ZHX2: variants seen among roughly 807,000 people sequenced by gnomAD.
ZHX2 encodes zinc fingers and homeoboxes protein 2.
A neutral mutation model predicts 21.9 loss-of-function variants in ZHX2; 6 were observed. The observed-to-expected ratio is 0.27, with a 90% confidence interval of 0.15 to 0.54. The LOEUF (loss-of-function observed/expected upper bound fraction) is 0.54. Among genes scored for constraint, ZHX2 ranks in the 20% least tolerant of loss-of-function variants. ZHX2 has a pLI of 0.95. For synonymous variants in ZHX2, 434 were observed against 437.1 expected (o/e 0.99, Z 0.09); for missense variants, 908 against 1,090.7 (o/e 0.83, Z 2.36).
chr8:122,835,437 C>T (rs1276990462), intron 1 of ZHX2, among the ~76,000 whole-genome samples: 1 of 152,024 alleles, frequency 6.6e-6, no homozygotes, highest in African/African-American at 2.4e-5. Context: ...GTTTACAAGC[C>T]TCAGGAGAGG....
intron 2 of ZHX2, among the ~76,000 whole-genome samples, chr8:122,935,261 A>C (rs968321647): frequency 2.0e-5 from 3 of 151,968 alleles, no homozygotes; most frequent in Non-Finnish European, 4.4e-5. Flanking sequence ...ACCACTGAGG[A>C]GCTTTGTTTT....
At chr8:122,969,593 C>A (rs1434791955) in intron 3 of ZHX2, among the ~76,000 whole-genome samples, 1 of 152,108 alleles carries the variant, frequency 6.6e-6, no homozygotes, top group Non-Finnish European at 1.5e-5. Flanking sequence ...AAAGAAAAGA[C>A]GTTGCCTACA....
intron 2 of ZHX2, among the ~76,000 whole-genome samples, chr8:122,928,583 G>A (rs187227218): frequency 6.6e-6 from 1 of 152,312 alleles, no homozygotes; most frequent in African/African-American, 2.4e-5. Context: ...CCTGGCGGCA[G>A]GCACAGGGCA....
At chr8:122,875,742 G>A (rs147825953) in intron 2 of ZHX2, among the ~76,000 whole-genome samples, 20 of 152,362 alleles carry the variant, frequency 1.3e-4, no homozygotes, top group African/African-American at 2.4e-4. Context: ...TCCCCCGCCC[G>A]TGGTTACACA....
At chr8:122,872,539 C>T (rs959044576) in intron 2 of ZHX2, among the ~76,000 whole-genome samples, 21 of 152,224 alleles carry the variant, frequency 1.4e-4, no homozygotes, top group African/African-American at 4.8e-4. Context: ...CTTCATCCTT[C>T]TCTATAGTCC....
At chr8:122,897,454 G>A (rs986856961) in intron 2 of ZHX2, among the ~76,000 whole-genome samples, 1 of 152,156 alleles carries the variant, frequency 6.6e-6, no homozygotes, top group Non-Finnish European at 1.5e-5. Context: ...TGAAAGTCAA[G>A]TCTAATTGTT....
intron 1 of ZHX2, among the ~76,000 whole-genome samples, chr8:122,803,299 G>A (rs948190555): frequency 6.6e-5 from 10 of 152,142 alleles, no homozygotes; most frequent in Admixed American, 2.6e-4. Context: ...TGGTGGCCCC[G>A]GCCCCGCCTC....
At chr8:122,808,318 G>T (rs1817861601) in intron 1 of ZHX2, among the ~76,000 whole-genome samples, 1 of 152,166 alleles carries the variant, frequency 6.6e-6, no homozygotes, top group South Asian at 2.1e-4. Context: ...AAGGAAAGAG[G>T]TTTAATTGAC....
At chr8:122,936,109 A>G (rs987250972) in intron 2 of ZHX2, among the ~76,000 whole-genome samples, 10 of 152,236 alleles carry the variant, frequency 6.6e-5, no homozygotes, top group African/African-American at 2.4e-4. Flanking sequence ...AAACAACGAT[A>G]GATCTGCTGT....
At chr8:122,825,346 T>A (rs562998717) in intron 1 of ZHX2, among the ~76,000 whole-genome samples, 57 of 152,308 alleles carry the variant, frequency 3.7e-4, no homozygotes, top group African/African-American at 1.3e-3. Flanking sequence ...GGGTCATGAC[T>A]CCCTTATGGC....
At chr8:122,794,983 T>C (rs1373161348) in intron 1 of ZHX2, among the ~76,000 whole-genome samples, 1 of 152,226 alleles carries the variant, frequency 6.6e-6, no homozygotes, top group East Asian at 1.9e-4. Context: ...TTTGTACATC[T>C]GCATCCCTGA....
intron 2 of ZHX2, among the ~76,000 whole-genome samples, chr8:122,874,818 G>T (rs1309805036): frequency 6.6e-6 from 1 of 152,114 alleles, no homozygotes; most frequent in Admixed American, 6.5e-5. Context: ...GGTGTCAGGA[G>T]ATTCAGAATA....
chr8:122,941,354 G>A (rs1265617719), intron 2 of ZHX2, among the ~76,000 whole-genome samples: 2 of 152,182 alleles, frequency 1.3e-5, no homozygotes, highest in African/African-American at 4.8e-5. Flanking sequence ...GTGTCCGTTT[G>A]AGCAACTAAG....
intron 2 of ZHX2, among the ~76,000 whole-genome samples, chr8:122,885,837 C>G (rs1819828272): frequency 6.6e-6 from 1 of 152,138 alleles, no homozygotes; most frequent in African/African-American, 2.4e-5. Flanking sequence ...TCTTTTGAAG[C>G]CTCCTGCAAA....
At chr8:122,780,721 A>T (rs1416821107), upstream of ZHX2, 1 of 152,174 alleles carries the variant, frequency 6.6e-6, no homozygotes, top group Admixed American at 6.5e-5. Flanking sequence ...CTCCGCTCCC[A>T]CTGGGAACAT....
intron 3 of ZHX2, among the ~76,000 whole-genome samples, chr8:122,960,498 A>G (rs1047399101): frequency 2.6e-5 from 4 of 152,150 alleles, no homozygotes; most frequent in African/African-American, 7.2e-5. Flanking sequence ...AGATCGCACA[A>G]CAGCACTCCA....
chr8:122,923,682 G>A (rs77963216), intron 2 of ZHX2, among the ~76,000 whole-genome samples: 3 of 152,314 alleles, frequency 2.0e-5, no homozygotes, highest in Non-Finnish European at 4.4e-5. Context: ...CTGAGAAGCC[G>A]ATGGTGGAGA....
At chr8:122,793,481 G>T (rs1817560235) in intron 1 of ZHX2, among the ~76,000 whole-genome samples, 1 of 152,172 alleles carries the variant, frequency 6.6e-6, no homozygotes, top group South Asian at 2.1e-4. Context: ...GCATTGCCGT[G>T]CTCCCCATAC....
intron 2 of ZHX2, among the ~76,000 whole-genome samples, chr8:122,880,010 T>C (rs1425899797): frequency 6.7e-6 from 1 of 149,958 alleles, no homozygotes; most frequent in East Asian, 2.0e-4. Context: ...CCTCGCTCTG[T>C]TGTCCAGGCT....
Sources: allele counts gnomAD v4.1 joint callset (sites outside exome capture counted in the v4.1 genomes callset), GRCh38; gene constraint gnomAD v4.1.1; transcripts MANE v1.5; gene names NCBI Gene and HGNC (gene_info 2026-07-23, HGNC 2026-07-21).